Variants in CHD8 observed in about 807,000 individuals in gnomAD.
CHD8 encodes the protein chromodomain helicase DNA binding protein 8.
Under a neutral mutation model 279.2 loss-of-function variants are expected in CHD8, and 31 were observed. The observed-to-expected ratio is 0.11, with a 90% confidence interval of 0.08 to 0.15. CHD8 has a LOEUF of 0.15. Among genes scored for constraint, CHD8 ranks in the 10% least tolerant of loss-of-function variants. The pLI is 1.00. For synonymous variants in CHD8, 1,081 were observed against 1,139.6 expected, an observed-to-expected ratio of 0.95 and a Z score of 1.04; for missense variants, 2,146 against 3,230.5, an observed-to-expected ratio of 0.66 and a Z score of 8.14.
intron 29 of CHD8, 87 bp from the exon 30 acceptor site, chr14:21,395,206 T>C: frequency 6.5e-7 from 1 of 1,526,892 alleles, no homozygotes; most frequent in Non-Finnish European, 9.0e-7. Context: ...AAGGCAAAGC[T>C]CTTAGAAATC....
chr14:21,437,442 C>G, intron 1 of CHD8: 1 of 187,196 alleles, frequency 5.3e-6, no homozygotes, highest in South Asian at 1.1e-4. Flanking sequence ...TTTCTAGGGC[C>G]GAGGCGAAGC....
At chr14:21,389,629 A>C (rs1332198633) in intron 37 of CHD8, among the ~76,000 whole-genome samples, 1 of 152,160 alleles carries the variant, frequency 6.6e-6, no homozygotes, top group Non-Finnish European at 1.5e-5. Flanking sequence ...AAAAGATTAA[A>C]AAACAAATAC....
intron 1 of CHD8, among the ~76,000 whole-genome samples, chr14:21,444,019 T>C (rs61973191): frequency 0.033 from 5,086 of 152,278 alleles, 117 homozygotes; most frequent in African/African-American, 0.062. Context: ...AATTATCTTT[T>C]ACTTTATATT....
At position 21,415,712 on chromosome 14, in the gene CHD8, G is replaced by A. The variant is rs1888692959; in HGVS notation, c.1899+13C>T. Reference sequence around the variant, plus strand: ...AAGGCAATCCTCTGAAATCATTTGAGTTTACAGCTTACCACAAAGAACTGC... The same window carrying A: ...AAGGCAATCCTCTGAAATCATTTGAATTTACAGCTTACCACAAAGAACTGC... On this transcript the variant is annotated intron_variant, in intron 6 of 37. Transcript: ENST00000646647. The A allele has an allele frequency of 1.2e-6, 2 of 1,613,446 alleles. No individual in the cohort carries two copies. Among genetic ancestry groups the A allele is most frequent in the African/African-American group, 2.7e-5 (2 of 74,882 alleles).
chr14:21,412,442 C>A (rs766238226), intron 10 of CHD8, among the ~76,000 whole-genome samples: 2 of 152,152 alleles, frequency 1.3e-5, no homozygotes, highest in Admixed American at 6.5e-5. Flanking sequence ...CCGCGCCTGG[C>A]CAGCAGATCT....
At chr14:21,418,607 A>G (rs983303685) in intron 5 of CHD8, among the ~76,000 whole-genome samples, 13 of 152,308 alleles carry the variant, frequency 8.5e-5, no homozygotes, top group Admixed American at 1.3e-4. Context: ...TGAGGTCAGG[A>G]GATCGAGACC....
intron 20 of CHD8, 168 bp from the exon 21 acceptor site, chr14:21,401,681 T>A: frequency 1.7e-6 from 1 of 582,164 alleles, no homozygotes; most frequent in East Asian, 3.0e-5. Flanking sequence ...ACCCCCTGGG[T>A]TCAAGTGATT....
chr14:21,404,872 C>T (rs888937705), intron 16 of CHD8: 1 of 228,714 alleles, frequency 4.4e-6, no homozygotes, highest in Non-Finnish European at 8.5e-6. Context: ...CACTCTGTCA[C>T]CCAGGCTGGA....
chr14:21,441,456 GT>G (rs1215593789), intron 1 of CHD8, among the ~76,000 whole-genome samples: 1 of 152,172 alleles, frequency 6.6e-6, no homozygotes, highest in Non-Finnish European at 1.5e-5. Context: ...TGATAGAATT[GT>G]TTATTGGCCT....
chr14:21,394,257 C>T lies in CHD8; in HGVS notation c.5599+20G>A, dbSNP rs1887675621. 1 of 1,613,774 alleles carries T rather than the reference C, an allele frequency of 6.2e-7. No individual in the cohort carries two copies. Among genetic ancestry groups the T allele is most frequent in the Non-Finnish European group, 8.5e-7 (1 of 1,179,750 alleles). On this transcript the variant is annotated intron_variant, in intron 31 of 37. Transcript: ENST00000646647. ...GCTTCTGTTGGCATCCATCCTCACC[C>T]ACTCTGCAATCTTGCTTACCATCTC...
In CHD8 at chr14:21,428,082, C is replaced by T. The variant is rs1224928579; in HGVS notation, c.1388G>A (p.Arg463Gln). ...TCTCGCAATGGCCTCTGCTACAATC[C>T]GATTTGCTTTCTCTTGCTTCTTCTG... Reference protein sequence around the residue: ...EHQKKQEKANRIVAEAIARAR... With the variant: ...EHQKKQEKANQIVAEAIARAR... Residue 463 changes from arginine to glutamine, a missense_variant, in exon 4 of 38, where the codon CGG (arginine) becomes CAG (glutamine). Arg to Gln is a conservative substitution (Grantham distance 43). Transcript: ENST00000646647. 1.9e-6 allele frequency: 3 copies of T among 1,614,010 alleles called. No homozygotes were observed. Among genetic ancestry groups the T allele is most frequent in the East Asian group, 2.2e-5 (1 of 44,880 alleles).
intron 14 of CHD8, among the ~76,000 whole-genome samples, 152 bp downstream of exon 14, chr14:21,406,704 C>T (rs984065251): frequency 1.3e-4 from 20 of 152,178 alleles, no homozygotes; most frequent in African/African-American, 4.6e-4. Flanking sequence ...GACTTTTACA[C>T]GACTTTCAGG....
chr14:21,423,334 AG>A (rs1313813610), intron 5 of CHD8, among the ~76,000 whole-genome samples: 2 of 152,252 alleles, frequency 1.3e-5, no homozygotes, highest in Non-Finnish European at 2.9e-5. Context: ...ATCCCATAGC[AG>A]GAAGGTGACA....
intron 11 of CHD8, among the ~76,000 whole-genome samples, chr14:21,409,278 C>G (rs1888381126): frequency 6.6e-6 from 1 of 152,140 alleles, no homozygotes; most frequent in Non-Finnish European, 1.5e-5. Flanking sequence ...AAAAAAGTAC[C>G]AAGGGTAATC....
intron 1 of CHD8, among the ~76,000 whole-genome samples, chr14:21,454,381 G>T (rs1020366630): frequency 1.3e-5 from 2 of 152,094 alleles, no homozygotes; most frequent in African/African-American, 4.8e-5. Flanking sequence ...GCAGGGGCAC[G>T]ATCTTGGCTC....
At chr14:21,428,348 C>G in intron 3 of CHD8, 94 bp from the exon 4 acceptor site, 1 of 1,084,782 alleles carries the variant, frequency 9.2e-7, no homozygotes, top group East Asian at 2.4e-5. Flanking sequence ...GAAACTAGTT[C>G]TTTAATCCCT....
chr14:21,428,991 T>C lies in CHD8; in HGVS notation c.1188A>G (p.Val396=). 1 of 1,614,012 alleles carries C rather than the reference T, an allele frequency of 6.2e-7. No homozygotes were observed. The highest frequency in any genetic ancestry group is 8.5e-7 in the Non-Finnish European group (1 of 1,179,874). The stretch of plus-strand genomic sequence containing the variant: ...GTGGCTGCAGTACCACCTTGACTGG[T>C]ACTGAAAGTCTTTGTCCTGGGCTTT... ...PGQSPGQRLS[V]PVKVVLQPQA... is the part of the protein sequence containing the mutation. The change falls in exon 3 of 38, where the codon GTA becomes GTG. Residue 396 remains valine, a synonymous_variant. Transcript: ENST00000646647.
intron 1 of CHD8, chr14:21,437,172 TGGA>T: frequency 9.0e-7 from 1 of 1,116,644 alleles, no homozygotes; most frequent in South Asian, 1.5e-5. Flanking sequence ...CTCACCCCAG[TGGA>T]GGAGAGAGGT....
At chr14:21,435,008 T>C (rs945589805) in intron 1 of CHD8, among the ~76,000 whole-genome samples, 3 of 152,214 alleles carry the variant, frequency 2.0e-5, no homozygotes, top group Non-Finnish European at 4.4e-5. Flanking sequence ...TTGGTTTCAA[T>C]GCAAAGTAAC....
Sources: allele counts gnomAD v4.1 joint callset (sites outside exome capture counted in the v4.1 genomes callset), GRCh38; gene constraint gnomAD v4.1.1; transcripts MANE v1.5; gene names NCBI Gene and HGNC (gene_info 2026-07-23, HGNC 2026-07-21).